Variants in EAF1 observed in about 807,000 individuals in gnomAD.
EAF1 encodes ELL associated factor 1.
EAF1 carries 19 observed loss-of-function variants against 26.6 expected under a neutral mutation model. The observed-to-expected ratio is 0.71, with a 90% CI of 0.50 to 1.05. The LOEUF is 1.05. Among genes scored for constraint, EAF1 ranks in the 50% least tolerant of loss-of-function variants. The probability of loss-of-function intolerance (pLI) is 0.00; values close to 1 mark genes in which losing one functional copy is unlikely to be tolerated. For synonymous variants in EAF1, 102 were observed against 120.6 expected, an observed-to-expected ratio of 0.85 and a Z score of 1.01; for missense variants, 260 against 335.5, an observed-to-expected ratio of 0.78 and a Z score of 1.76.
At chr3:15,436,701 G>C in intron 5 of EAF1, 126 bp downstream of exon 5, 1 of 753,244 alleles carries the variant, frequency 1.3e-6, no homozygotes, top group Non-Finnish European at 2.0e-6. Flanking sequence ...AAAATAGTTT[G>C]GAGCAGAAAG....
chr3:15,434,912 C>T (rs541200043), intron 4 of EAF1, among the ~76,000 whole-genome samples: 3 of 152,240 alleles, frequency 2.0e-5, no homozygotes, highest in African/African-American at 7.2e-5. Flanking sequence ...CCTTTCTGAG[C>T]TCTACATTAG....
intron 5 of EAF1, 145 bp downstream of exon 5, chr3:15,436,720 T>G: frequency 3.4e-6 from 2 of 587,360 alleles, no homozygotes; most frequent in Non-Finnish European, 5.6e-6. Context: ...AGGTGTGAGT[T>G]ACTAAACAGT....
intron 3 of EAF1, chr3:15,433,071 TTTA>T (rs2061811571): frequency 1.3e-5 from 2 of 152,030 alleles, no homozygotes; most frequent in African/African-American, 4.8e-5. Flanking sequence ...ACAAGTAATT[TTTA>T]GAAAGGTGTT....
chr3:15,433,409 T>C (rs2061814118), intron 3 of EAF1, among the ~76,000 whole-genome samples: 1 of 152,182 alleles, frequency 6.6e-6, no homozygotes. Flanking sequence ...GGTTGTGGTA[T>C]ATTCCCTTAC....
Position 15,427,763 on chromosome 3 carries a change from G to C in EAF1, c.-17G>C, listed in dbSNP as rs199920203. 5.2e-5 allele frequency: 80 copies of C among 1,550,548 alleles called. No individual in the cohort carries two copies. In the East Asian group the frequency reaches 1.9e-3, roughly 37 times the overall value. ...ACCGGGAGAGCGCCGATCTGGGTGC[G>C]AGGCAGGTGCGGGGCCATGAATGGG... On this transcript the variant is annotated 5_prime_UTR_variant, in exon 1 of 6. Coordinates refer to ENST00000396842, the MANE Select transcript of EAF1 (RefSeq NM_033083.7).
chr3:15,438,863 A>C (rs892631378), intron 5 of EAF1: 5 of 397,684 alleles, frequency 1.3e-5, no homozygotes, highest in Non-Finnish European at 2.2e-5. Context: ...TAAACCATTT[A>C]AAAGTTATCC....
Position 15,427,788 on chromosome 3 carries a change from G to C in EAF1, c.9G>C (p.Gly3=), listed in dbSNP as rs1346764673. The change falls in exon 1 of 6, where the codon GGG becomes GGC. Residue 3 remains glycine (G), a synonymous_variant. Transcript: ENST00000396842. ...GAGGCAGGTGCGGGGCCATGAATGGGACCGCAAACCCGCTGCTGGACCGCG... is the reference window on the plus strand; with the variant it reads ...GAGGCAGGTGCGGGGCCATGAATGGCACCGCAAACCCGCTGCTGGACCGCG... The part of the protein sequence containing the change: MN[G]TANPLLDREE... The C allele has an allele frequency of 1.3e-6, 2 of 1,551,328 alleles. No individual in the cohort carries two copies. The highest frequency in any genetic ancestry group is 2.4e-5 in the South Asian group (2 of 84,038).
intron 3 of EAF1, 139 bp from the exon 4 acceptor site, chr3:15,434,209 A>C: frequency 2.1e-6 from 2 of 939,454 alleles, no homozygotes; most frequent in Non-Finnish European, 3.2e-6. Context: ...TCACATGACA[A>C]AATTACAAGT....
At position 15,442,294 on chromosome 3, in the gene EAF1, T is replaced by C. The variant is rs1207680846; in HGVS notation, c.*3139T>C. On this transcript the variant is annotated 3_prime_UTR_variant, in exon 6 of 6. Transcript: ENST00000396842. ...GAGAATTAGTGTGTTATGTGGATAATGTTATATACAGCCAAAGTGGATGTT... is the reference window on the plus strand; with the variant it reads ...GAGAATTAGTGTGTTATGTGGATAACGTTATATACAGCCAAAGTGGATGTT... 6.6e-6 allele frequency: 1 copy of C among 152,420 alleles called. No homozygotes were observed. The highest frequency in any genetic ancestry group is 1.5e-5 in the Non-Finnish European group (1 of 68,006). 9.4% of individuals were successfully genotyped at this position (152,420 alleles called of 1,614,324 possible).
rs1221814567 is a variant in EAF1 at position 15,429,951 on chromosome 3, G to A, written c.142G>A (p.Gly48Arg). Residue 48 changes from glycine to arginine, a missense_variant, in exon 2 of 6, where the codon GGA becomes AGA. Physicochemically the swap from Gly to Arg is moderately radical, Grantham distance 125. Coordinates refer to ENST00000396842, the MANE Select transcript of EAF1 (RefSeq NM_033083.7). The stretch of plus-strand genomic sequence containing the variant: ...AGCATCTATAGACACTTCCTGTGAA[G>A]GAGAGCTTCAAGTTGGCAAAGGAGA... ...KPASIDTSCE[G>R]ELQVGKGDEV... 6.2e-7 allele frequency: 1 copy of A among 1,613,238 alleles called. No individual in the cohort carries two copies. Among genetic ancestry groups the A allele is most frequent in the African/African-American group, 1.3e-5 (1 of 74,824 alleles).
intron 3 of EAF1, chr3:15,433,256 A>T (rs1249363357): frequency 6.9e-6 from 1 of 144,678 alleles, no homozygotes; most frequent in African/African-American, 2.7e-5. Flanking sequence ...AAAAAAAAAA[A>T]GGTACGGAGA....
chr3:15,429,469 T>G (rs974559363), intron 1 of EAF1, among the ~76,000 whole-genome samples: 1 of 152,212 alleles, frequency 6.6e-6, no homozygotes, highest in Non-Finnish European at 1.5e-5. Flanking sequence ...GAGTTTACAG[T>G]CACAGAATCT....
At position 15,427,916 on chromosome 3, in the gene EAF1, G is replaced by A. The variant is rs369264153; in HGVS notation, c.103+34G>A. The stretch of plus-strand genomic sequence containing the variant: ...GCGCTCCCCACGGTTCCCTTCGGCC[G>A]CTCCAGCCGCCACATATCAACCTTG... On this transcript the variant is annotated intron_variant, in intron 1 of 5. Transcript: ENST00000396842. 6.7e-6 allele frequency: 10 copies of A among 1,482,194 alleles called. No individual in the cohort carries two copies. In the East Asian group the frequency reaches 7.8e-5, roughly 12 times the overall value. 91.8% of individuals were successfully genotyped at this position (1,482,194 alleles called of 1,614,324 possible). A position where few individuals can be genotyped will look rare whatever the true frequency, so the allele number is the denominator to read the frequency against.
At chr3:15,431,969 C>T in intron 2 of EAF1, 118 bp from the exon 3 acceptor site, 5 of 1,199,228 alleles carry the variant, frequency 4.2e-6, no homozygotes, top group South Asian at 1.8e-5. Context: ...TCAGTTCAAC[C>T]TGTTCTTTTT....
rs1206529441 is a variant in EAF1, at chr3:15,436,329, T to C, written c.527-13T>C. On this transcript the variant is annotated splice_polypyrimidine_tract_variant and intron_variant, in intron 4 of 5. Coordinates refer to ENST00000396842, the MANE Select transcript of EAF1 (RefSeq NM_033083.7). ...GGCTGCTGTGCTGATCCATGTCATA[T>C]CCTTTATTCCAGAGCTGAGGGCTGA... is the stretch of plus-strand genomic sequence containing the variant. The C allele has an allele frequency of 6.3e-7, 1 of 1,586,356 alleles. No homozygotes were observed. The highest frequency in any genetic ancestry group is 1.3e-5 in the African/African-American group (1 of 74,642).
chr3:15,430,538 C>G (rs1334695604), intron 2 of EAF1, among the ~76,000 whole-genome samples: 1 of 151,966 alleles, frequency 6.6e-6, no homozygotes, highest in Non-Finnish European at 1.5e-5. Context: ...AGACAAGGTT[C>G]CTGTCTGGAC....
intron 3 of EAF1, among the ~76,000 whole-genome samples, chr3:15,433,743 A>G (rs1019271436): frequency 1.8e-4 from 27 of 152,374 alleles, no homozygotes; most frequent in Admixed American, 6.5e-4. Flanking sequence ...TCATGATTAT[A>G]ATTACATAAT....
Position 15,432,039 on chromosome 3 carries a change from A to G in EAF1, c.199-48A>G, listed in dbSNP as rs769675786. ...TCATCTATAAATTCAGTTGATATTCATAACTGGTATGTTTAGTTTGATCAT... is the reference window on the plus strand; with the variant it reads ...TCATCTATAAATTCAGTTGATATTCGTAACTGGTATGTTTAGTTTGATCAT... On this transcript the variant is annotated intron_variant, in intron 2 of 5. Coordinates refer to ENST00000396842, the MANE Select transcript of EAF1 (RefSeq NM_033083.7). 4.4e-6 allele frequency: 7 copies of G among 1,579,330 alleles called. No homozygotes were observed. The Admixed American group carries it at 9.1e-5, about 21-fold the overall frequency.
Position 15,434,406 on chromosome 3 carries a change from C to G in EAF1, c.394C>G (p.Gln132Glu), listed in dbSNP as rs773241908. 1 of 1,614,254 alleles carries G rather than the reference C, an allele frequency of 6.2e-7. No individual in the cohort carries two copies. The highest frequency in any genetic ancestry group is 8.5e-7 in the Non-Finnish European group (1 of 1,180,048). Residue 132 changes from glutamine to glutamate, a missense_variant, in exon 4 of 6, where the codon CAG becomes GAG. Transcript: ENST00000396842. ...RMEQQPTRPP[Q>E]TSQPPPPPPP... is the part of the protein sequence containing the mutation. ...GGAACAGCAGCCCACTCGTCCTCCA[C>G]AGACGTCACAGCCACCACCACCTCC...
Sources: allele counts gnomAD v4.1 joint callset (sites outside exome capture counted in the v4.1 genomes callset), GRCh38; gene constraint gnomAD v4.1.1; transcripts MANE v1.5; gene names NCBI Gene and HGNC (gene_info 2026-07-23, HGNC 2026-07-21).